The following MAN1A1 variants were observed in gnomAD, a reference collection of about 807,000 sequenced individuals.
MAN1A1 encodes the protein mannosidase alpha class 1A member 1, also known as mannosyl-oligosaccharide 1,2-alpha-mannosidase IA.
MAN1A1 carries 29 observed loss-of-function variants against 70.8 expected under a neutral mutation model. The ratio of observed to expected loss-of-function variants is 0.41; its 90% CI spans 0.31 to 0.56. The LOEUF (loss-of-function observed/expected upper bound fraction) is 0.56, where lower values mean the gene tolerates loss of function less well. Ranked by LOEUF, MAN1A1 falls within the 20% of genes least tolerant of loss-of-function variation. The probability of loss-of-function intolerance (pLI) is 0.29; values close to 1 mark genes in which losing one functional copy is unlikely to be tolerated. For synonymous variants in MAN1A1, 349 were observed against 330.1 expected (o/e 1.06, Z -0.62); for missense variants, 747 against 841.3 (o/e 0.89, Z 1.39).
intron 5 of MAN1A1, among the ~76,000 whole-genome samples, chr6:119,270,448 T>G (rs976466807): frequency 2.6e-5 from 4 of 152,200 alleles, no homozygotes; most frequent in African/African-American, 9.7e-5. Context: ...CACACTGAGT[T>G]GATTCACAAT....
intron 2 of MAN1A1, among the ~76,000 whole-genome samples, chr6:119,328,068 C>T (rs1773202311): frequency 6.6e-6 from 1 of 152,118 alleles, no homozygotes; most frequent in South Asian, 2.1e-4. Context: ...TGCAGAGAAA[C>T]CAAACAAGGC....
chr6:119,185,355 G>A (rs1395737019), intron 11 of MAN1A1, among the ~76,000 whole-genome samples: 1 of 152,106 alleles, frequency 6.6e-6, no homozygotes, highest in African/African-American at 2.4e-5. Flanking sequence ...CATCTTATTT[G>A]ACATTATTAT....
intron 5 of MAN1A1, among the ~76,000 whole-genome samples, chr6:119,261,255 A>G (rs1284739989): frequency 6.6e-6 from 1 of 152,144 alleles, no homozygotes; most frequent in Non-Finnish European, 1.5e-5. Context: ...CTGGGATTAC[A>G]GGCGTGAGCC....
chr6:119,325,486 G>A (rs983025061), intron 2 of MAN1A1, among the ~76,000 whole-genome samples: 5 of 152,088 alleles, frequency 3.3e-5, no homozygotes, highest in African/African-American at 4.8e-5. Context: ...GTGAAGCCCC[G>A]TCTCTAATAA....
chr6:119,349,498 G>A (rs1418425470), intron 1 of MAN1A1, 44 bp downstream of exon 1: 8 of 976,728 alleles, frequency 8.2e-6, no homozygotes, highest in East Asian at 2.3e-4. Context: ...CGCGCAGGAA[G>A]GGGTCAGGGC....
At chr6:119,265,530 A>T (rs943140387) in intron 5 of MAN1A1, among the ~76,000 whole-genome samples, 1 of 152,198 alleles carries the variant, frequency 6.6e-6, no homozygotes, top group Non-Finnish European at 1.5e-5. Context: ...ATTTTAAATA[A>T]ATAAACATTT....
chr6:119,233,837 C>T (rs751320556), intron 6 of MAN1A1, among the ~76,000 whole-genome samples: 13 of 152,068 alleles, frequency 8.5e-5, no homozygotes, highest in African/African-American at 1.9e-4. Flanking sequence ...TGATGTATTG[C>T]GGATTATGAG....
intron 6 of MAN1A1, among the ~76,000 whole-genome samples, chr6:119,215,489 G>C (rs1774174635): frequency 6.6e-6 from 1 of 152,150 alleles, no homozygotes; most frequent in Non-Finnish European, 1.5e-5. Context: ...GCAGGAGAGA[G>C]GCTGAACTTC....
At chr6:119,254,627 T>A (rs1221079217) in intron 5 of MAN1A1, among the ~76,000 whole-genome samples, 1 of 152,196 alleles carries the variant, frequency 6.6e-6, no homozygotes, top group Non-Finnish European at 1.5e-5. Context: ...TAAAATGTAA[T>A]CCTTGCTAAT....
At chr6:119,305,744 A>C (rs149309506) in intron 3 of MAN1A1, among the ~76,000 whole-genome samples, 83 of 152,300 alleles carry the variant, frequency 5.4e-4, no homozygotes, top group African/African-American at 2.0e-3. Flanking sequence ...CACTATTTAC[A>C]TATTATATGC....
At chr6:119,302,786 A>C (rs756086311) in intron 3 of MAN1A1, among the ~76,000 whole-genome samples, 8 of 152,194 alleles carry the variant, frequency 5.3e-5, no homozygotes, top group Non-Finnish European at 1.2e-4. Flanking sequence ...AAAACTTTAA[A>C]TATAATTAGA....
chr6:119,261,281 T>A (rs1582745135), intron 5 of MAN1A1, among the ~76,000 whole-genome samples: 2 of 152,298 alleles, frequency 1.3e-5, no homozygotes, highest in Non-Finnish European at 2.9e-5. Context: ...GCCCCGCCTA[T>A]TGCTTTTTAA....
chr6:119,256,677 C>A (rs180687172), intron 5 of MAN1A1, among the ~76,000 whole-genome samples: 2 of 152,194 alleles, frequency 1.3e-5, no homozygotes, highest in African/African-American at 4.8e-5. Flanking sequence ...GCCCTAGGTT[C>A]TGGTTCAGGG....
chr6:119,324,282 T>A (rs1338886073), intron 2 of MAN1A1, among the ~76,000 whole-genome samples: 1 of 152,248 alleles, frequency 6.6e-6, no homozygotes, highest in East Asian at 1.9e-4. Context: ...AACATTTTCT[T>A]TTCTATAGCT....
rs367800954 is a variant in MAN1A1, at chr6:119,346,313, C to CT, written c.603+2149dup. On this transcript the variant is annotated intron_variant, in intron 2 of 12. Coordinates refer to ENST00000368468, the MANE Select transcript of MAN1A1 (RefSeq NM_005907.4). ...AGTTTTTAGAACAGCATCATAATTT[C>CT]TTTTTTTTTTCTTTTGGTTTACAAA... 3.3e-3 allele frequency among the ~76,000 whole-genome samples: 487 copies of CT among 149,684 alleles called. 3 individuals carry two copies. The highest frequency in any genetic ancestry group is 4.0e-3 in the Non-Finnish European group (268 of 67,190).
chr6:119,298,602 T>C (rs1772290449), intron 4 of MAN1A1, among the ~76,000 whole-genome samples: 1 of 150,562 alleles, frequency 6.6e-6, no homozygotes, highest in Non-Finnish European at 1.5e-5. Context: ...AACTTTTCTT[T>C]TTTTTTTTTT....
chr6:119,223,743 A>G (rs941305020), intron 6 of MAN1A1, among the ~76,000 whole-genome samples: 5 of 152,138 alleles, frequency 3.3e-5, no homozygotes, highest in African/African-American at 1.2e-4. Context: ...AATGACAGAA[A>G]ATTATTGAGG....
intron 5 of MAN1A1, among the ~76,000 whole-genome samples, chr6:119,252,667 C>T (rs922600467): frequency 2.6e-5 from 4 of 152,124 alleles, no homozygotes; most frequent in Admixed American, 2.0e-4. Context: ...TGGTACATGG[C>T]TGCAGTCCCA....
rs1432020603 is a variant in MAN1A1 at position 119,178,998 on chromosome 6, A to T, written c.*821T>A. ...CCCAAAAGCTAATCCATTAAGTTGT[A>T]CTATTTTCTTCAGATAAATGTAATT... On this transcript the variant is annotated 3_prime_UTR_variant, in exon 13 of 13. Coordinates refer to ENST00000368468, the MANE Select transcript of MAN1A1 (RefSeq NM_005907.4). The T allele has an allele frequency of 6.6e-6, 1 of 152,174 alleles. No individual in the cohort carries two copies. The highest frequency in any genetic ancestry group is 1.5e-5 in the Non-Finnish European group (1 of 67,992). 9.4% of individuals were successfully genotyped at this position (152,174 alleles called of 1,614,324 possible).
Sources: gnomAD v4.1 joint callset for allele counts (sites outside exome capture counted in the v4.1 genomes callset) on GRCh38, gnomAD v4.1.1 for gene constraint, MANE v1.5 for transcripts, NCBI Gene and HGNC (gene_info 2026-07-23, HGNC 2026-07-21) for gene names.